WDR89: variants seen among roughly 807,000 people sequenced by gnomAD.
The protein encoded by WDR89 is WD repeat domain 89, also known as WD repeat-containing protein 89.
Under a neutral mutation model 29.1 loss-of-function variants are expected in WDR89, and 17 were observed. The ratio of observed to expected loss-of-function variants is 0.58; its 90% CI spans 0.40 to 0.88. WDR89 has a LOEUF of 0.88. Among genes scored for constraint, WDR89 ranks in the 40% least tolerant of loss-of-function variants. The pLI is 0.00. For synonymous variants in WDR89, 138 were observed against 157.8 expected, an observed-to-expected ratio of 0.87 and a Z score of 0.94; for missense variants, 396 against 456.3, an observed-to-expected ratio of 0.87 and a Z score of 1.20.
At chr14:63,601,005 C>G (rs1486123732) in intron 2 of WDR89, among the ~76,000 whole-genome samples, 1 of 152,026 alleles carries the variant, frequency 6.6e-6, no homozygotes, top group Non-Finnish European at 1.5e-5. Flanking sequence ...GGCAAAGACA[C>G]AGAGAGATAC....
At chr14:63,600,616 C>G (rs1895014862) in intron 2 of WDR89, among the ~76,000 whole-genome samples, 2 of 149,162 alleles carry the variant, frequency 1.3e-5, no homozygotes, top group Admixed American at 1.4e-4. Context: ...TGGTTCTACT[C>G]AAGTCATCTT....
intron 2 of WDR89, among the ~76,000 whole-genome samples, chr14:63,601,326 T>A (rs903432388): frequency 6.6e-6 from 1 of 151,450 alleles, no homozygotes; most frequent in Non-Finnish European, 1.5e-5. Flanking sequence ...AGAACTGGGA[T>A]TTGAACCTAG....
chr14:63,626,730 T>C (rs1883088891), intron 1 of WDR89, among the ~76,000 whole-genome samples: 1 of 139,260 alleles, frequency 7.2e-6, no homozygotes, highest in African/African-American at 2.7e-5. Flanking sequence ...TACTAACAGT[T>C]GAGGAAATAA....
chr14:63,610,829 G>A (rs550026071), intron 2 of WDR89, among the ~76,000 whole-genome samples: 2 of 151,146 alleles, frequency 1.3e-5, no homozygotes, highest in South Asian at 2.1e-4. Context: ...AGCCTCCTGA[G>A]TAGCTAAGAT....
intron 2 of WDR89, among the ~76,000 whole-genome samples, chr14:63,612,941 A>G (rs530852767): frequency 7.2e-5 from 11 of 152,302 alleles, no homozygotes; most frequent in Non-Finnish European, 1.2e-4. Context: ...AGGACATTCA[A>G]TGGGATCTCA....
chr14:63,624,521 A>G (rs1006607076), intron 2 of WDR89, among the ~76,000 whole-genome samples: 4 of 151,852 alleles, frequency 2.6e-5, no homozygotes, highest in African/African-American at 4.8e-5. Context: ...TAAAAAAAAA[A>G]AAAGAAAATG....
At chr14:63,631,165 G>T (rs1369255638) in intron 1 of WDR89, among the ~76,000 whole-genome samples, 2 of 152,078 alleles carry the variant, frequency 1.3e-5, no homozygotes, top group Non-Finnish European at 2.9e-5. Context: ...AACTTGATTT[G>T]ATCATTACAC....
At chr14:63,611,278 G>A (rs923651618) in intron 2 of WDR89, among the ~76,000 whole-genome samples, 11 of 148,806 alleles carry the variant, frequency 7.4e-5, no homozygotes, top group Non-Finnish European at 1.3e-4. Context: ...CGGAGGTTGC[G>A]GTAGACAAGA....
intron 1 of WDR89, among the ~76,000 whole-genome samples, chr14:63,637,292 G>A (rs994718508): frequency 6.6e-6 from 1 of 152,172 alleles, no homozygotes; most frequent in Non-Finnish European, 1.5e-5. Flanking sequence ...GGTAAACAGG[G>A]AACACTTCCG....
rs139347974 is a variant in WDR89, at chr14:63,621,528, G to T, written c.-32+3400C>A. On this transcript the variant is annotated intron_variant, in intron 2 of 2. Transcript: ENST00000620954. The stretch of plus-strand genomic sequence containing the variant: ...CAGGAGAATCGCCTGAACCCAGGAG[G>T]TGTAGGTTGCAGTGAGATGAGATCA... Among the ~76,000 whole-genome samples the T allele has an allele frequency of 7.2e-4, 110 of 152,242 alleles. 2 individuals are homozygous for T. In the East Asian group the frequency reaches 0.012, roughly 17 times the overall value.
At chr14:63,636,689 G>C (rs1399176315) in intron 1 of WDR89, among the ~76,000 whole-genome samples, 2 of 152,178 alleles carry the variant, frequency 1.3e-5, no homozygotes, top group Non-Finnish European at 2.9e-5. Flanking sequence ...TCAACAAATG[G>C]TGCTGGGATA....
chr14:63,638,960 T>C (rs76381449), intron 1 of WDR89, among the ~76,000 whole-genome samples: 1,537 of 152,258 alleles, frequency 0.01, 23 homozygotes, highest in African/African-American at 0.035. Context: ...TCCTTGTTTA[T>C]CTGGGGGGGT....
intron 2 of WDR89, among the ~76,000 whole-genome samples, chr14:63,600,717 C>CAAAAA (rs56059698): frequency 1.1e-4 from 4 of 36,144 alleles, no homozygotes; most frequent in Admixed American, 5.7e-4. Context: ...GATATGTAGG[C>CAAAAA]AAAAAAAAAA....
intron 2 of WDR89, among the ~76,000 whole-genome samples, chr14:63,621,026 T>C (rs1055057120): frequency 1.1e-4 from 17 of 152,138 alleles, no homozygotes; most frequent in African/African-American, 3.4e-4. Context: ...CCGCAATGTA[T>C]ACACATATCA....
chr14:63,599,039 A>G lies in WDR89; in HGVS notation c.904T>C (p.Leu302=). 2 of 1,614,196 alleles carry G rather than the reference A, an allele frequency of 1.2e-6. No individual in the cohort carries two copies. Among genetic ancestry groups the G allele is most frequent in the African/African-American group, 1.3e-5 (1 of 75,054 alleles). The part of the protein sequence containing the change: ...IGGTNKGRIH[L]MNCSMSGLTH... Reference sequence around the variant, plus strand: ...AGTCCTGACATGCTGCAGTTCATCAAATGAATCCTTCCTTTGTTTGTTCCT... The same window carrying G: ...AGTCCTGACATGCTGCAGTTCATCAGATGAATCCTTCCTTTGTTTGTTCCT... The change falls in exon 3 of 3, where the codon TTG becomes CTG. Residue 302 remains leucine, a synonymous_variant. Coordinates refer to ENST00000620954, the MANE Select transcript of WDR89 (RefSeq NM_080666.4).
chr14:63,627,355 G>A (rs184171156), intron 1 of WDR89, among the ~76,000 whole-genome samples: 2 of 152,066 alleles, frequency 1.3e-5, no homozygotes, highest in South Asian at 4.1e-4. Flanking sequence ...AAACCTAACA[G>A]CCTGAATATC....
intron 2 of WDR89, among the ~76,000 whole-genome samples, chr14:63,616,912 T>G (rs2139528301): frequency 6.6e-6 from 1 of 152,050 alleles, no homozygotes; most frequent in East Asian, 1.9e-4. Flanking sequence ...AGTGGCTGGA[T>G]GTAGGTCACA....
At chr14:63,639,419 T>C (rs1394989426) in intron 1 of WDR89, among the ~76,000 whole-genome samples, 1 of 151,164 alleles carries the variant, frequency 6.6e-6, no homozygotes, top group Non-Finnish European at 1.5e-5. Flanking sequence ...CTCCCCTTTC[T>C]TAAGTGTGTA....
intron 2 of WDR89, among the ~76,000 whole-genome samples, chr14:63,603,308 C>T (rs1006005443): frequency 2.0e-5 from 3 of 151,988 alleles, no homozygotes; most frequent in African/African-American, 7.2e-5. Context: ...TAAAAATGAA[C>T]CTTTTGATGA....
Sources: gnomAD v4.1 joint callset for allele counts (sites outside exome capture counted in the v4.1 genomes callset) on GRCh38, gnomAD v4.1.1 for gene constraint, MANE v1.5 for transcripts, NCBI Gene and HGNC (gene_info 2026-07-23, HGNC 2026-07-21) for gene names.